LRP1B: variants seen among roughly 807,000 people sequenced by gnomAD.
LRP1B encodes low-density lipoprotein receptor-related protein 1B.
In LRP1B, 217 loss-of-function variants were observed where a neutral mutation model predicts 556.6. That is an observed-to-expected ratio of 0.39 (90% CI 0.35 to 0.44). The LOEUF (loss-of-function observed/expected upper bound fraction) is 0.44, where lower values mean the gene tolerates loss of function less well. Ranked by LOEUF, LRP1B falls within the 20% of genes least tolerant of loss-of-function variation. LRP1B has a pLI of 1.00. For missense variants in LRP1B, 5,053 were observed against 5,620.8 expected, an observed-to-expected ratio of 0.90 and a Z score of 3.23; for synonymous variants, 2,047 against 1,865.8, an observed-to-expected ratio of 1.10 and a Z score of -2.50.
chr2:141,833,957 C>A (rs2105749584), intron 1 of LRP1B, among the ~76,000 whole-genome samples: 1 of 141,562 alleles, frequency 7.1e-6, no homozygotes, highest in Admixed American at 6.8e-5. Flanking sequence ...AAACTTACCA[C>A]TTGAAGAGGA....
chr2:141,689,750 T>C lies in LRP1B; in HGVS notation c.205+120529A>G, dbSNP rs571113616. Reference sequence around the variant, plus strand: ...AAGGTTGTTTAATTTAGTACACATTTAAATTTTAAGCCAGCAGGGTTTTCT... The same window carrying C: ...AAGGTTGTTTAATTTAGTACACATTCAAATTTTAAGCCAGCAGGGTTTTCT... On this transcript the variant is annotated intron_variant, in intron 2 of 90. Transcript: ENST00000389484. Among the ~76,000 whole-genome samples the C allele has an allele frequency of 2.1e-4, 32 of 151,946 alleles. No individual in the cohort carries two copies. The South Asian group carries it at 6.6e-3, about 32-fold the overall frequency.
intron 3 of LRP1B, among the ~76,000 whole-genome samples, chr2:141,339,004 C>T (rs1214746471): frequency 6.6e-6 from 1 of 151,960 alleles, no homozygotes; most frequent in Non-Finnish European, 1.5e-5. Context: ...TTGTTGCTTG[C>T]TTGCATTTTC....
intron 51 of LRP1B, among the ~76,000 whole-genome samples, chr2:140,512,766 AAAC>A (rs973169553): frequency 3.9e-5 from 6 of 152,148 alleles, no homozygotes; most frequent in African/African-American, 1.4e-4. Flanking sequence ...GGAAATTGGG[AAAC>A]AACATTTTTA....
At chr2:140,709,116 T>C (rs1450153231) in intron 37 of LRP1B, among the ~76,000 whole-genome samples, 1 of 152,080 alleles carries the variant, frequency 6.6e-6, no homozygotes, top group Non-Finnish European at 1.5e-5. Context: ...CCCATGTTAA[T>C]TTGAGTCTTT....
At chr2:140,328,484 A>G (rs1680614280) in intron 79 of LRP1B, among the ~76,000 whole-genome samples, 1 of 151,334 alleles carries the variant, frequency 6.6e-6, no homozygotes, top group East Asian at 2.0e-4. Flanking sequence ...AAGAAAAAAA[A>G]AAAGAAAATG....
intron 7 of LRP1B, among the ~76,000 whole-genome samples, chr2:141,076,960 G>A (rs1189323543): frequency 1.3e-5 from 2 of 152,106 alleles, no homozygotes; most frequent in African/African-American, 2.4e-5. Context: ...TAAAATAGTA[G>A]GCTAGGCTGG....
At chr2:140,924,447 ATC>A (rs1171825973) in intron 20 of LRP1B, among the ~76,000 whole-genome samples, 5 of 152,060 alleles carry the variant, frequency 3.3e-5, no homozygotes, top group African/African-American at 1.2e-4. Context: ...AGCAATTATA[ATC>A]TGTCAGGTGA....
intron 2 of LRP1B, among the ~76,000 whole-genome samples, chr2:141,529,890 T>G (rs1684811809): frequency 6.6e-6 from 1 of 152,118 alleles, no homozygotes; most frequent in Non-Finnish European, 1.5e-5. Flanking sequence ...ACATACTGTT[T>G]ATGTGGTTGT....
chr2:140,418,693 T>A (rs1685303617), intron 66 of LRP1B, among the ~76,000 whole-genome samples: 1 of 151,924 alleles, frequency 6.6e-6, no homozygotes, highest in Non-Finnish European at 1.5e-5. Context: ...GATTATCTAG[T>A]TGCAGTAAAA....
In LRP1B at chr2:141,417,553, T is replaced by G. The variant is rs1382117822; in HGVS notation, c.343+62843A>C. Among the ~76,000 whole-genome samples the G allele has an allele frequency of 6.6e-5, 10 of 152,160 alleles. No homozygotes were observed. The South Asian group carries it at 1.2e-3, about 19-fold the overall frequency. ...CCTTTAGGTGCATCTATGACAGAAT[T>G]TCTTTCTTTTTAGCTGATTAATATT... On this transcript the variant is annotated intron_variant, in intron 3 of 90. Transcript: ENST00000389484.
At chr2:141,383,718 C>G (rs1689724792) in intron 3 of LRP1B, among the ~76,000 whole-genome samples, 1 of 152,102 alleles carries the variant, frequency 6.6e-6, no homozygotes, top group Non-Finnish European at 1.5e-5. Context: ...CATAGATGAA[C>G]CTATAGGACA....
At chr2:141,933,139 A>G (rs1700548901) in intron 1 of LRP1B, among the ~76,000 whole-genome samples, 1 of 152,072 alleles carries the variant, frequency 6.6e-6, no homozygotes, top group South Asian at 2.1e-4. Context: ...AGGTTACCTC[A>G]GATATTTTAT....
intron 1 of LRP1B, among the ~76,000 whole-genome samples, chr2:141,844,018 T>C (rs1460924921): frequency 2.0e-5 from 3 of 152,142 alleles, no homozygotes; most frequent in African/African-American, 7.2e-5. Context: ...CCTTAGATCC[T>C]ATGTAATTGC....
At chr2:141,123,949 G>A (rs956842131) in intron 7 of LRP1B, among the ~76,000 whole-genome samples, 4 of 151,982 alleles carry the variant, frequency 2.6e-5, no homozygotes, top group African/African-American at 7.3e-5. Flanking sequence ...ATAAGTGATA[G>A]AGTAAATTGT....
intron 2 of LRP1B, among the ~76,000 whole-genome samples, chr2:141,651,021 C>T (rs1689768342): frequency 6.6e-6 from 1 of 152,154 alleles, no homozygotes; most frequent in African/African-American, 2.4e-5. Context: ...TAATATTAAT[C>T]GTTCAAATCT....
intron 3 of LRP1B, among the ~76,000 whole-genome samples, chr2:141,473,448 T>A (rs4340448): frequency 0.85 from 129,218 of 152,142 alleles, 55,488 homozygotes; most frequent in East Asian, 0.97. Context: ...TCTGGGAAGC[T>A]TTAAGCTTGG....
Position 140,361,355 on chromosome 2 carries a change from T to TATATATA in LRP1B, c.11132-2416_11132-2410dup, listed in dbSNP as rs928605327. ...TACTTGGAAAGCATATATATATATA[T>TATATATA]ATATATATATATATATATATATATA... On this transcript the variant is annotated intron_variant, in intron 72 of 90. Transcript: ENST00000389484. Among the ~76,000 whole-genome samples the TATATATA allele has an allele frequency of 2.6e-5, 3 of 113,784 alleles. 1 individual carries two copies. The highest frequency in any genetic ancestry group is 1.0e-4 in the African/African-American group (3 of 29,262). 74.6% of individuals were successfully genotyped at this position (113,784 alleles called of 152,430 possible).
chr2:142,003,750 G>A (rs1000895274), intron 1 of LRP1B, among the ~76,000 whole-genome samples: 5 of 152,156 alleles, frequency 3.3e-5, no homozygotes, highest in African/African-American at 4.8e-5. Flanking sequence ...CCCACAATCC[G>A]GCACTTTGCT....
intron 3 of LRP1B, among the ~76,000 whole-genome samples, chr2:141,347,828 A>G (rs1688307711): frequency 6.6e-6 from 1 of 152,094 alleles, no homozygotes; most frequent in African/African-American, 2.4e-5. Flanking sequence ...ATAACAAAGT[A>G]TGTATTATTA....
Sources: gnomAD v4.1 joint callset for allele counts (sites outside exome capture counted in the v4.1 genomes callset) on GRCh38, gnomAD v4.1.1 for gene constraint, MANE v1.5 for transcripts, NCBI Gene and HGNC (gene_info 2026-07-23, HGNC 2026-07-21) for gene names.